The following MELK variants were observed in gnomAD, a reference collection of about 807,000 sequenced individuals.
MELK encodes pEg3 kinase.
Under a neutral mutation model 85.0 loss-of-function variants are expected in MELK, and 81 were observed. The ratio of observed to expected loss-of-function variants is 0.95; its 90% CI spans 0.80 to 1.15. The LOEUF (loss-of-function observed/expected upper bound fraction) is 1.15, where lower values mean the gene tolerates loss of function less well. MELK is among the 50% of genes most tolerant of loss of function. MELK has a pLI of 0.00. For synonymous variants in MELK, 252 were observed against 265.0 expected (o/e 0.95, Z 0.48); for missense variants, 754 against 777.5 (o/e 0.97, Z 0.36).
At position 36,643,068 on chromosome 9, in the gene MELK, G is replaced by A; in HGVS notation, c.906G>A (p.Glu302=). Residue 302 remains glutamate, a synonymous_variant, in exon 11 of 18, where the codon GAG becomes GAA. Coordinates refer to ENST00000298048, the MANE Select transcript of MELK (RefSeq NM_014791.4). ...ACAGAAACAACAGGCAAACAATGGA[G>A]GATTTAATTTCACTGGTAAGAAATA... ...VHHRNNRQTM[E]DLISLWQYDH... 1 of 1,612,332 alleles carries A rather than the reference G, an allele frequency of 6.2e-7. No individual in the cohort carries two copies. Among genetic ancestry groups the A allele is most frequent in the Non-Finnish European group, 8.5e-7 (1 of 1,178,948 alleles).
At chr9:36,650,892 G>C (rs1476423211) in intron 11 of MELK, among the ~76,000 whole-genome samples, 2 of 152,180 alleles carry the variant, frequency 1.3e-5, no homozygotes, top group Admixed American at 6.5e-5. Context: ...GTGTGAACAT[G>C]TTGAGAGGAG....
At chr9:36,583,899 C>T (rs1822534516) in intron 3 of MELK, among the ~76,000 whole-genome samples, 187 bp downstream of exon 3, 1 of 152,184 alleles carries the variant, frequency 6.6e-6, no homozygotes, top group Admixed American at 6.6e-5. Context: ...CAGATTTTAA[C>T]GCAGTGCAGT....
Position 36,579,758 on chromosome 9 carries a change from G to A in MELK, c.-38-1886G>A, listed in dbSNP as rs529555003. On this transcript the variant is annotated intron_variant, in intron 1 of 17. Coordinates refer to ENST00000298048, the MANE Select transcript of MELK (RefSeq NM_014791.4). The stretch of plus-strand genomic sequence containing the variant: ...ATGGAGATGGTATGAGTGTGACTTT[G>A]TATATTAATGTGCATAACAGGGCCC... 3.3e-5 allele frequency among the ~76,000 whole-genome samples: 5 copies of A among 152,272 alleles called. No homozygotes were observed. In the South Asian group the frequency reaches 1.0e-3, roughly 32 times the overall value.
intron 8 of MELK, among the ~76,000 whole-genome samples, chr9:36,624,799 T>C (rs1364120365): frequency 6.6e-6 from 1 of 152,174 alleles, no homozygotes; most frequent in Non-Finnish European, 1.5e-5. Context: ...TGTCTCCTAT[T>C]ATGATAGTTT....
At chr9:36,583,929 T>C (rs903180122) in intron 3 of MELK, among the ~76,000 whole-genome samples, 2 of 152,238 alleles carry the variant, frequency 1.3e-5, no homozygotes, top group African/African-American at 4.8e-5. Flanking sequence ...TTGAAGTCTG[T>C]AGCATCCATC....
chr9:36,626,659 G>A (rs1272121307), intron 8 of MELK, among the ~76,000 whole-genome samples: 1 of 151,856 alleles, frequency 6.6e-6, no homozygotes, highest in Non-Finnish European at 1.5e-5. Flanking sequence ...TGGGCCTCAA[G>A]AAATAGCAGC....
chr9:36,588,377 C>T (rs1037357609), intron 3 of MELK, among the ~76,000 whole-genome samples: 8 of 145,720 alleles, frequency 5.5e-5, no homozygotes, highest in Non-Finnish European at 8.9e-5. Flanking sequence ...GCCCAGAGTC[C>T]CTCCCTTTTT....
intron 8 of MELK, among the ~76,000 whole-genome samples, chr9:36,615,371 G>C (rs1322477894): frequency 2.3e-5 from 3 of 129,530 alleles, no homozygotes; most frequent in African/African-American, 6.4e-5. Context: ...CCTCCCGGTC[G>C]GCACGGCTGG....
At chr9:36,618,405 C>CA (rs367884644) in intron 8 of MELK, among the ~76,000 whole-genome samples, 8,947 of 68,342 alleles carry the variant, frequency 0.13, 365 homozygotes, top group East Asian at 0.27. Context: ...AGAGGCTCCT[C>CA]AAAAAAAAAA....
intron 5 of MELK, among the ~76,000 whole-genome samples, chr9:36,596,165 C>G (rs1410938373): frequency 3.9e-5 from 6 of 151,984 alleles, no homozygotes; most frequent in Non-Finnish European, 7.4e-5. Context: ...GATTTCAACT[C>G]ACTCTTTTGG....
At chr9:36,592,698 A>G (rs947504852) in intron 4 of MELK, among the ~76,000 whole-genome samples, 6 of 152,038 alleles carry the variant, frequency 3.9e-5, no homozygotes, top group African/African-American at 1.5e-4. Flanking sequence ...TATTTTAGAC[A>G]TTTTTATTTC....
intron 3 of MELK, among the ~76,000 whole-genome samples, chr9:36,589,218 G>C (rs555408622): frequency 6.6e-6 from 1 of 151,446 alleles, no homozygotes; most frequent in Admixed American, 6.6e-5. Flanking sequence ...GCGCAATCTC[G>C]GCTCACTCCA....
chr9:36,576,591 G>T (rs914581518), intron 1 of MELK, among the ~76,000 whole-genome samples: 1 of 152,126 alleles, frequency 6.6e-6, no homozygotes, highest in Middle Eastern at 3.2e-3. Flanking sequence ...GAGTGCAGTG[G>T]CGTGATCGCG....
chr9:36,629,640 AAACT>A (rs1241266754), intron 8 of MELK, among the ~76,000 whole-genome samples: 2 of 152,202 alleles, frequency 1.3e-5, no homozygotes, highest in African/African-American at 4.8e-5. Context: ...CTGAAATTAT[AAACT>A]AATAATTGTT....
chr9:36,665,999 C>G (rs908464097), intron 14 of MELK, among the ~76,000 whole-genome samples: 1 of 152,086 alleles, frequency 6.6e-6, no homozygotes, highest in Non-Finnish European at 1.5e-5. Context: ...CTCCGCTGAG[C>G]CTTTACTTAT....
At chr9:36,587,612 C>A (rs559137641) in intron 3 of MELK, among the ~76,000 whole-genome samples, 1 of 137,142 alleles carries the variant, frequency 7.3e-6, no homozygotes, top group Non-Finnish European at 1.5e-5. Flanking sequence ...ACTGTAGAGC[C>A]CCCCCGCCTT....
At position 36,581,624 on chromosome 9, in the gene MELK, A is replaced by G; in HGVS notation, c.-38-20A>G. The G allele has an allele frequency of 7.6e-6, 9 of 1,191,580 alleles. No individual in the cohort carries two copies. Among genetic ancestry groups the G allele is most frequent in the Non-Finnish European group, 2.5e-6 (2 of 804,200 alleles). 73.8% of individuals were successfully genotyped at this position (1,191,580 alleles called of 1,614,324 possible). A position where few individuals can be genotyped will look rare whatever the true frequency, so the allele number is the denominator to read the frequency against. Reference sequence around the variant, plus strand: ...TCCGGTATTATTTCCTTTATTGATTATGTACTCTCTGTCTTCTAGGTTCTT... The same window carrying G: ...TCCGGTATTATTTCCTTTATTGATTGTGTACTCTCTGTCTTCTAGGTTCTT... On this transcript the variant is annotated intron_variant, in intron 1 of 17. Coordinates refer to ENST00000298048, the MANE Select transcript of MELK (RefSeq NM_014791.4).
At chr9:36,600,099 GT>G (rs10713474) in intron 7 of MELK, among the ~76,000 whole-genome samples, 33,043 of 145,076 alleles carry the variant, frequency 0.23, 5,855 homozygotes, top group African/African-American at 0.51. Context: ...GTTTTGTTTT[GT>G]TTTTTTTTTT....
In MELK at chr9:36,633,131, AAATCTAT is replaced by A. The variant is rs1828812817; in HGVS notation, c.766_772del (p.Asn256Ter). The A allele has an allele frequency of 6.2e-7, 1 of 1,610,054 alleles. No individual in the cohort carries two copies. Among genetic ancestry groups the A allele is most frequent in the Non-Finnish European group, 8.5e-7 (1 of 1,179,232 alleles). On this transcript the variant is annotated frameshift_variant, in exon 10 of 18. Coordinates refer to ENST00000298048, the MANE Select transcript of MELK (RefSeq NM_014791.4). LOFTEE classifies it high-confidence loss of function. ...ACCCAAAGAAACGGATTTCTATGAA[AAATCTAT>A]TGAACCATCCCTGGATCATGCAAGA...
Sources: allele counts gnomAD v4.1 joint callset (sites outside exome capture counted in the v4.1 genomes callset), GRCh38; gene constraint gnomAD v4.1.1; transcripts MANE v1.5; gene names NCBI Gene and HGNC (gene_info 2026-07-23, HGNC 2026-07-21).